DRC11: variants seen among roughly 807,000 people sequenced by gnomAD.
DRC11 encodes dynein regulatory complex subunit 11, also known as IQ and AAA domain-containing protein 1.
chr2:236,322,665 G>A, the DRC11 span, among the ~76,000 whole-genome samples: 1 of 152,204 alleles, frequency 6.6e-6, no homozygotes, highest in African/African-American at 2.4e-5. Context: ...ACGTCTCCAT[G>A]TTAGTGTGCT....
the DRC11 span, among the ~76,000 whole-genome samples, chr2:236,440,338 C>G: frequency 6.6e-6 from 1 of 152,142 alleles, no homozygotes; most frequent in African/African-American, 2.4e-5. Flanking sequence ...GAAAATTTTA[C>G]TCAGGAGATA....
the DRC11 span, among the ~76,000 whole-genome samples, chr2:236,313,687 C>T: frequency 1.3e-5 from 2 of 152,250 alleles, no homozygotes; most frequent in African/African-American, 4.8e-5. This position sits in a 1 kb window ranked among gnomAD's most constrained non-coding sequence, Gnocchi z 4.5. Context: ...AATGGTTAAA[C>T]AAACTGTGAT....
chr2:236,335,068 T>G, the DRC11 span, among the ~76,000 whole-genome samples: 5 of 152,124 alleles, frequency 3.3e-5, no homozygotes, highest in African/African-American at 1.2e-4. The surrounding 1 kb of genome is among the most constrained non-coding windows in gnomAD (Gnocchi z 5.6). Flanking sequence ...CCTCTACAAA[T>G]CCACCCTTCA....
the DRC11 span, among the ~76,000 whole-genome samples, chr2:236,430,265 T>C: frequency 6.6e-6 from 1 of 152,196 alleles, no homozygotes; most frequent in Non-Finnish European, 1.5e-5. The surrounding 1 kb of genome is among the most constrained non-coding windows in gnomAD (Gnocchi z 6.0). Flanking sequence ...GCCAATTGTA[T>C]AGGTGAAAAG....
the DRC11 span, among the ~76,000 whole-genome samples, chr2:236,351,977 C>T: frequency 1.3e-5 from 2 of 152,102 alleles, no homozygotes; most frequent in African/African-American, 4.8e-5. The surrounding 1 kb of genome is among the most constrained non-coding windows in gnomAD (Gnocchi z 7.3). Flanking sequence ...GCCTCCGAGG[C>T]CACAGCAATG....
At chr2:236,491,197 TATATATATATATATAC>T in the DRC11 span, among the ~76,000 whole-genome samples, 1 of 61,578 alleles carries the variant, frequency 1.6e-5, no homozygotes, top group Non-Finnish European at 3.1e-5. Context: ...AGTATATATA[TATATATATATATATAC>T]ACACAGTATA....
the DRC11 span, among the ~76,000 whole-genome samples, chr2:236,377,357 G>C: frequency 6.6e-6 from 1 of 152,160 alleles, no homozygotes; most frequent in Non-Finnish European, 1.5e-5. The surrounding 1 kb of genome is among the most constrained non-coding windows in gnomAD (Gnocchi z 4.9). Context: ...GATAAATTAG[G>C]CTTTTTAAAA....
the DRC11 span, among the ~76,000 whole-genome samples, chr2:236,471,845 A>G: frequency 6.6e-6 from 1 of 152,174 alleles, no homozygotes; most frequent in Non-Finnish European, 1.5e-5. This position sits in a 1 kb window ranked among gnomAD's most constrained non-coding sequence, Gnocchi z 4.6. Context: ...GATGCATTAG[A>G]GCACTTTGCA....
At chr2:236,419,191 C>A in the DRC11 span, 1 of 1,541,958 alleles carries the variant, frequency 6.5e-7, no homozygotes, top group Non-Finnish European at 8.7e-7. This position sits in a 1 kb window ranked among gnomAD's most constrained non-coding sequence, Gnocchi z 4.8. Context: ...TTTTGGCTTT[C>A]TTGGGTTGTT....
chr2:236,456,811 G>A, the DRC11 span, among the ~76,000 whole-genome samples: 4 of 152,278 alleles, frequency 2.6e-5, no homozygotes, highest in African/African-American at 4.8e-5. The surrounding 1 kb of genome is among the most constrained non-coding windows in gnomAD (Gnocchi z 5.4). Context: ...CGTAGGTGGC[G>A]GAGAAATGGC....
At chr2:236,359,712 C>T in the DRC11 span, among the ~76,000 whole-genome samples, 501 of 152,228 alleles carry the variant, frequency 3.3e-3, 2 homozygotes, top group African/African-American at 0.011. The surrounding 1 kb of genome is among the most constrained non-coding windows in gnomAD (Gnocchi z 4.3). Flanking sequence ...GTCCTGCTTG[C>T]CTTTGGTTAA....
the DRC11 span, among the ~76,000 whole-genome samples, chr2:236,388,113 C>T: frequency 1.3e-5 from 2 of 152,124 alleles, no homozygotes; most frequent in Admixed American, 6.5e-5. Flanking sequence ...TTCATTTCAA[C>T]TTTGGTGAAT....
chr2:236,484,177 G>T, the DRC11 span, among the ~76,000 whole-genome samples: 1 of 152,150 alleles, frequency 6.6e-6, no homozygotes, highest in African/African-American at 2.4e-5. Flanking sequence ...TAAATAGACA[G>T]AAAAGAATCC....
At chr2:236,312,348 T>TA in the DRC11 span, among the ~76,000 whole-genome samples, 10 of 151,474 alleles carry the variant, frequency 6.6e-5, no homozygotes, top group East Asian at 3.9e-4. Context: ...TCATAGTTCT[T>TA]AAAAAAAAAT....
chr2:236,479,105 G>A, the DRC11 span, among the ~76,000 whole-genome samples: 9 of 152,256 alleles, frequency 5.9e-5, no homozygotes, highest in South Asian at 2.1e-4. The surrounding 1 kb of genome is among the most constrained non-coding windows in gnomAD (Gnocchi z 4.1). Context: ...GATTACAGGC[G>A]TGAGCCACTG....
the DRC11 span, among the ~76,000 whole-genome samples, chr2:236,404,644 G>C: frequency 6.6e-6 from 1 of 152,140 alleles, no homozygotes; most frequent in Non-Finnish European, 1.5e-5. Context: ...CCACTGTCTG[G>C]ACATTCCCAG....
chr2:236,408,714 T>C, the DRC11 span: 3 of 710,786 alleles, frequency 4.2e-6, no homozygotes, highest in African/African-American at 5.2e-5. The surrounding 1 kb of genome is among the most constrained non-coding windows in gnomAD (Gnocchi z 5.5). Context: ...ATGCCAGTTG[T>C]TAGAGAAGTG....
the DRC11 span, among the ~76,000 whole-genome samples, chr2:236,467,231 C>A: frequency 4.6e-5 from 7 of 152,202 alleles, no homozygotes; most frequent in East Asian, 1.4e-3. Flanking sequence ...TTCAAGTTTT[C>A]TTTCTATTAT....
the DRC11 span, among the ~76,000 whole-genome samples, chr2:236,403,902 C>T: frequency 3.3e-5 from 5 of 152,056 alleles, no homozygotes; most frequent in African/African-American, 1.2e-4. Flanking sequence ...AGCCCCTCTT[C>T]CCCCGATGCC....
Sources: gnomAD v4.1 joint callset for allele counts (sites outside exome capture counted in the v4.1 genomes callset) on GRCh38, gnomAD v4.1.1 for gene constraint, Gnocchi (gnomAD v3.1) non-coding constraint, MANE v1.5 for transcripts, NCBI Gene and HGNC (gene_info 2026-07-23, HGNC 2026-07-21) for gene names.